RALGAPA2: variants seen among roughly 807,000 people sequenced by gnomAD.
RALGAPA2 encodes the protein ral GTPase-activating protein subunit alpha-2.
A neutral mutation model predicts 230.4 loss-of-function variants in RALGAPA2; 139 were observed. The observed-to-expected ratio is 0.60, with a 90% CI of 0.53 to 0.69. The LOEUF (loss-of-function observed/expected upper bound fraction) is 0.69. Among genes scored for constraint, RALGAPA2 ranks in the 30% least tolerant of loss-of-function variants. The pLI, the probability that RALGAPA2 is intolerant of heterozygous loss-of-function variation, is 0.00. For synonymous variants in RALGAPA2, 847 were observed against 837.8 expected, an observed-to-expected ratio of 1.01 and a Z score of -0.19; for missense variants, 2,163 against 2,276.0, an observed-to-expected ratio of 0.95 and a Z score of 1.01.
chr20:20,487,982 C>G (rs2061956049), intron 36 of RALGAPA2, among the ~76,000 whole-genome samples: 1 of 151,820 alleles, frequency 6.6e-6, no homozygotes, highest in Non-Finnish European at 1.5e-5. Context: ...GGTATATAGT[C>G]ATACCTAGGT....
At chr20:20,537,481 A>T (rs2063527114) in intron 24 of RALGAPA2, among the ~76,000 whole-genome samples, 1 of 151,994 alleles carries the variant, frequency 6.6e-6, no homozygotes, top group Non-Finnish European at 1.5e-5. Context: ...TTAGCCAGGC[A>T]TGGTGGTGGG....
chr20:20,665,594 C>G (rs2067933657), intron 3 of RALGAPA2, among the ~76,000 whole-genome samples: 1 of 152,198 alleles, frequency 6.6e-6, no homozygotes, highest in Admixed American at 6.5e-5. Flanking sequence ...TTGAAACTGA[C>G]TCCTTTCAAC....
chr20:20,616,954 A>C (rs1423229491), intron 12 of RALGAPA2, among the ~76,000 whole-genome samples: 3 of 152,192 alleles, frequency 2.0e-5, no homozygotes, highest in Non-Finnish European at 4.4e-5. Flanking sequence ...CAGCAGAAAA[A>C]TGTGAGAAGC....
At chr20:20,659,689 G>A in intron 3 of RALGAPA2, 1 of 417,034 alleles carries the variant, frequency 2.4e-6, no homozygotes, top group Non-Finnish European at 4.5e-6. Flanking sequence ...TAATCTGAAT[G>A]GCAACAGCAG....
chr20:20,525,007 C>T, intron 28 of RALGAPA2, 109 bp from the exon 29 acceptor site: 2 of 921,046 alleles, frequency 2.2e-6, no homozygotes, highest in Non-Finnish European at 3.3e-6. Flanking sequence ...TTGGTGCCAA[C>T]TCACCACAGA....
At chr20:20,541,556 G>A (rs1365989837) in intron 24 of RALGAPA2, among the ~76,000 whole-genome samples, 2 of 152,254 alleles carry the variant, frequency 1.3e-5, no homozygotes, top group Non-Finnish European at 2.9e-5. Context: ...CAGATACCAC[G>A]TGGATCCACT....
chr20:20,451,051 C>G (rs766922308), intron 37 of RALGAPA2, among the ~76,000 whole-genome samples: 13 of 152,172 alleles, frequency 8.5e-5, no homozygotes, highest in Non-Finnish European at 1.6e-4. Flanking sequence ...TAGAAATCCT[C>G]ACATATGCCA....
At chr20:20,468,280 T>C (rs1332545306) in intron 37 of RALGAPA2, among the ~76,000 whole-genome samples, 1 of 152,182 alleles carries the variant, frequency 6.6e-6, no homozygotes, top group Non-Finnish European at 1.5e-5. Context: ...CCACTACAGC[T>C]ATATTTTGCT....
chr20:20,657,002 T>C (rs1352664469), intron 3 of RALGAPA2, among the ~76,000 whole-genome samples: 1 of 152,194 alleles, frequency 6.6e-6, no homozygotes, highest in Non-Finnish European at 1.5e-5. Context: ...CTCTGGTTCT[T>C]TAACTCAAAC....
intron 37 of RALGAPA2, among the ~76,000 whole-genome samples, chr20:20,468,257 G>A (rs1244000508): frequency 6.6e-6 from 1 of 152,180 alleles, no homozygotes; most frequent in Non-Finnish European, 1.5e-5. Context: ...CTGATATCAA[G>A]TAGTAGAAAT....
intron 3 of RALGAPA2, among the ~76,000 whole-genome samples, chr20:20,661,526 G>GT (rs1267835018): frequency 1.3e-5 from 2 of 152,140 alleles, no homozygotes; most frequent in Non-Finnish European, 1.5e-5. Context: ...TTGAAAGATA[G>GT]TTATTGGAAT....
At chr20:20,602,813 C>CGTGTGTGTGTGTGTGTGT (rs35087554) in intron 15 of RALGAPA2, among the ~76,000 whole-genome samples, 1 of 147,784 alleles carries the variant, frequency 6.8e-6, no homozygotes, top group East Asian at 2.0e-4. Context: ...GAATGGCAGG[C>CGTGTGTGTGTGTGTGTGT]GTGTGTGTGT....
chr20:20,556,943 C>T (rs1487097631), intron 23 of RALGAPA2, among the ~76,000 whole-genome samples: 1 of 152,096 alleles, frequency 6.6e-6, no homozygotes, highest in Non-Finnish European at 1.5e-5. Flanking sequence ...CTGTTTGTCT[C>T]CTCCACCCCC....
intron 3 of RALGAPA2, among the ~76,000 whole-genome samples, chr20:20,674,359 C>G (rs2146779617): frequency 1.3e-5 from 2 of 151,906 alleles, no homozygotes; most frequent in African/African-American, 4.8e-5. Context: ...TTAAATAAAT[C>G]TCAAACTAGG....
At chr20:20,549,797 A>G (rs1211561341) in intron 23 of RALGAPA2, among the ~76,000 whole-genome samples, 1 of 152,194 alleles carries the variant, frequency 6.6e-6, no homozygotes, top group Non-Finnish European at 1.5e-5. Flanking sequence ...AGACACAGCT[A>G]TAACAGAAGT....
intron 13 of RALGAPA2, among the ~76,000 whole-genome samples, chr20:20,612,071 C>CAA (rs1184295346): frequency 1.3e-5 from 2 of 152,196 alleles, no homozygotes; most frequent in Non-Finnish European, 2.9e-5. Context: ...TAGTCTCTTA[C>CAA]AGAAGGTTTA....
chr20:20,624,199 T>A (rs960693075), intron 10 of RALGAPA2, among the ~76,000 whole-genome samples: 2 of 151,938 alleles, frequency 1.3e-5, no homozygotes, highest in Admixed American at 1.3e-4. Flanking sequence ...TGGTGATGCA[T>A]GCCTGTAATC....
intron 3 of RALGAPA2, 81 bp downstream of exon 3, chr20:20,676,155 G>A: frequency 4.0e-6 from 4 of 1,004,472 alleles, no homozygotes; most frequent in Non-Finnish European, 5.6e-6. Flanking sequence ...ATTTTTATTT[G>A]TCTTCAAATA....
chr20:20,416,235 C>G (rs528923960), intron 37 of RALGAPA2, among the ~76,000 whole-genome samples: 79 of 152,322 alleles, frequency 5.2e-4, no homozygotes, highest in African/African-American at 1.8e-3. Context: ...CCTGCCTCTA[C>G]CATGTGGGCC....
Sources: allele counts gnomAD v4.1 joint callset (sites outside exome capture counted in the v4.1 genomes callset), GRCh38; gene constraint gnomAD v4.1.1; transcripts MANE v1.5; gene names NCBI Gene and HGNC (gene_info 2026-07-23, HGNC 2026-07-21).